Variants in TRMT11 observed in about 807,000 individuals in gnomAD.
TRMT11 encodes tRNA methyltransferase 11, also known as tRNA (guanine(10)-N(2))-methyltransferase TRMT11.
TRMT11 carries 53 observed loss-of-function variants against 62.8 expected under a neutral mutation model. The ratio of observed to expected loss-of-function variants is 0.84; its 90% confidence interval spans 0.68 to 1.06. The LOEUF (loss-of-function observed/expected upper bound fraction) is 1.06. TRMT11 is among the 50% of genes least tolerant of loss of function. TRMT11 has a pLI of 0.00. For synonymous variants in TRMT11, 188 were observed against 190.3 expected (o/e 0.99, Z 0.10); for missense variants, 556 against 553.4 (o/e 1.00, Z -0.05).
At chr6:126,170,550 G>A (rs1778318423) in intron 21 of TRMT11, among the ~76,000 whole-genome samples, 1 of 151,908 alleles carries the variant, frequency 6.6e-6, no homozygotes, top group South Asian at 2.1e-4. Flanking sequence ...TCTCTGTCTG[G>A]GTCTCATTTT....
At chr6:126,047,996 C>G (rs1050420191) in intron 16 of TRMT11, among the ~76,000 whole-genome samples, 1 of 152,222 alleles carries the variant, frequency 6.6e-6, no homozygotes, top group African/African-American at 2.4e-5. Flanking sequence ...TGCAACAGAC[C>G]TACCCTCAAT....
intron 1 of TRMT11, among the ~76,000 whole-genome samples, chr6:126,184,401 G>A (rs1315896597): frequency 6.6e-6 from 1 of 152,170 alleles, no homozygotes; most frequent in East Asian, 1.9e-4. Context: ...TTCTTACTTT[G>A]AAGTCCAGAG....
intron 3 of TRMT11, among the ~76,000 whole-genome samples, chr6:126,201,243 TA>T (rs1349872764): frequency 6.6e-6 from 1 of 152,206 alleles, no homozygotes; most frequent in Non-Finnish European, 1.5e-5. Flanking sequence ...TTTTAAACAA[TA>T]AATGTTACAT....
At chr6:126,258,753 TA>T in the TRMT11 span, among the ~76,000 whole-genome samples, 5 of 152,174 alleles carry the variant, frequency 3.3e-5, no homozygotes, top group African/African-American at 4.8e-5. Context: ...TTTTTTGGGG[TA>T]TTTTTTTCTC....
chr6:126,155,660 C>A (rs1372832580), intron 21 of TRMT11, among the ~76,000 whole-genome samples: 1 of 152,198 alleles, frequency 6.6e-6, no homozygotes, highest in Non-Finnish European at 1.5e-5. Context: ...AAGGGACAAA[C>A]TGGCCAAAAG....
intron 12 of TRMT11, 58 bp downstream of exon 12, chr6:126,021,338 T>C: frequency 1.3e-6 from 2 of 1,578,858 alleles, no homozygotes; most frequent in African/African-American, 2.7e-5. Context: ...TAGTTGTTTC[T>C]AAATAGTTTT....
the TRMT11 span, among the ~76,000 whole-genome samples, chr6:126,219,223 A>G: frequency 6.6e-6 from 1 of 151,514 alleles, no homozygotes; most frequent in African/African-American, 2.4e-5. Context: ...GTGTGTAGAT[A>G]GTTGTTAAGT....
chr6:126,045,613 C>G (rs910574368), intron 16 of TRMT11, among the ~76,000 whole-genome samples: 3 of 152,098 alleles, frequency 2.0e-5, no homozygotes, highest in Non-Finnish European at 4.4e-5. Flanking sequence ...TTTTTGCTAA[C>G]CCTTTTCTGG....
At chr6:126,164,961 G>A (rs1361522860) in intron 21 of TRMT11, among the ~76,000 whole-genome samples, 4 of 151,972 alleles carry the variant, frequency 2.6e-5, no homozygotes, top group African/African-American at 9.7e-5. Context: ...TTTAACTGGG[G>A]CACTTAGTCC....
intron 21 of TRMT11, among the ~76,000 whole-genome samples, chr6:126,149,588 G>A (rs988747582): frequency 1.3e-5 from 2 of 152,120 alleles, no homozygotes; most frequent in Non-Finnish European, 2.9e-5. Context: ...ACTCAAGTTA[G>A]GTATATGCTC....
the TRMT11 span, among the ~76,000 whole-genome samples, chr6:126,249,709 A>G: frequency 6.6e-6 from 1 of 152,138 alleles, no homozygotes; most frequent in African/African-American, 2.4e-5. Flanking sequence ...TAGGGAGGCG[A>G]AAAAGCAATT....
chr6:126,120,605 G>A (rs1278354690), intron 21 of TRMT11, among the ~76,000 whole-genome samples: 1 of 152,096 alleles, frequency 6.6e-6, no homozygotes, highest in Non-Finnish European at 1.5e-5. Flanking sequence ...TTATGTTTAA[G>A]GGCTGTAATT....
At chr6:126,104,871 C>A (rs993418422) in intron 17 of TRMT11, among the ~76,000 whole-genome samples, 5 of 152,050 alleles carry the variant, frequency 3.3e-5, no homozygotes, top group Admixed American at 3.3e-4. Context: ...AAGATATTAT[C>A]CTATTGATGG....
downstream of TRMT11, among the ~76,000 whole-genome samples, chr6:126,202,741 C>G (rs1778749216): frequency 6.6e-6 from 1 of 152,014 alleles, no homozygotes; most frequent in South Asian, 2.1e-4. Context: ...TAAACATGCA[C>G]AAACTTGAAG....
chr6:126,186,815 T>C (rs1280044827), intron 1 of TRMT11, among the ~76,000 whole-genome samples: 2 of 152,066 alleles, frequency 1.3e-5, no homozygotes, highest in Non-Finnish European at 2.9e-5. Flanking sequence ...AGTTTTCTGA[T>C]CACGAGAGCT....
chr6:126,149,510 C>T (rs920671722), intron 21 of TRMT11, among the ~76,000 whole-genome samples: 1 of 152,104 alleles, frequency 6.6e-6, no homozygotes, highest in African/African-American at 2.4e-5. Context: ...TATTTACAGA[C>T]AAGAAAAGTG....
At chr6:126,255,614 T>C in the TRMT11 span, among the ~76,000 whole-genome samples, 2 of 152,208 alleles carry the variant, frequency 1.3e-5, no homozygotes, top group African/African-American at 4.8e-5. Context: ...AACCCAGCCA[T>C]GAAATGTCAG....
At chr6:126,215,497 G>A in the TRMT11 span, among the ~76,000 whole-genome samples, 1 of 151,966 alleles carries the variant, frequency 6.6e-6, no homozygotes. Context: ...TCTGATATAA[G>A]TATAGTGACT....
the TRMT11 span, among the ~76,000 whole-genome samples, chr6:126,210,980 CTTTTTTT>C: frequency 1.5e-5 from 2 of 131,696 alleles, no homozygotes; most frequent in Non-Finnish European, 3.2e-5. Context: ...ATAACATTCC[CTTTTTTT>C]TTTTTTTTTT....
Sources: allele counts gnomAD v4.1 joint callset (sites outside exome capture counted in the v4.1 genomes callset), GRCh38; gene constraint gnomAD v4.1.1; transcripts MANE v1.5; gene names NCBI Gene and HGNC (gene_info 2026-07-23, HGNC 2026-07-21).